Variants in RAD17 observed in about 807,000 individuals in gnomAD.
RAD17 encodes the protein RAD17 checkpoint clamp loader component.
RAD17 carries 31 observed loss-of-function variants against 81.5 expected under a neutral mutation model. That is an observed-to-expected ratio of 0.38 (90% CI 0.29 to 0.51). The LOEUF (loss-of-function observed/expected upper bound fraction) is 0.51. RAD17 is among the 20% of genes least tolerant of loss of function. The probability of loss-of-function intolerance (pLI) is 0.88; values close to 1 mark genes in which losing one functional copy is unlikely to be tolerated. For missense variants in RAD17, 681 were observed against 781.2 expected (o/e 0.87, Z 1.53); for synonymous variants, 261 against 266.2 (o/e 0.98, Z 0.19).
chr5:69,387,873 A>C (rs1251736524), intron 11 of RAD17, among the ~76,000 whole-genome samples: 2 of 152,184 alleles, frequency 1.3e-5, no homozygotes, highest in African/African-American at 4.8e-5. Flanking sequence ...AAAAAGAAAA[A>C]AAATTACCTG....
chr5:69,386,955 C>T (rs1379836501), intron 11 of RAD17, among the ~76,000 whole-genome samples: 2 of 143,590 alleles, frequency 1.4e-5, no homozygotes, highest in African/African-American at 5.2e-5. Context: ...GACAGGGTCT[C>T]ACTCTGTTGC....
intron 18 of RAD17, 45 bp from the exon 19 acceptor site, chr5:69,413,986 C>A (rs750294556): frequency 1.3e-6 from 2 of 1,588,526 alleles, no homozygotes; most frequent in South Asian, 2.3e-5. Flanking sequence ...ATTTAAAAAT[C>A]TTCTCCTTTG....
intron 6 of RAD17, among the ~76,000 whole-genome samples, chr5:69,379,886 T>C (rs1040866988): frequency 4.2e-5 from 6 of 142,332 alleles, no homozygotes; most frequent in African/African-American, 1.5e-4. Flanking sequence ...AGTTAACTTC[T>C]TTTTTTTTTT....
intron 18 of RAD17, among the ~76,000 whole-genome samples, chr5:69,412,248 G>C (rs1331690930): frequency 6.6e-6 from 1 of 152,162 alleles, no homozygotes; most frequent in South Asian, 2.1e-4. Context: ...GAGCCACCAC[G>C]CCTGGCCACG....
chr5:69,400,025 C>T (rs371945314), intron 16 of RAD17, 24 bp from the exon 17 acceptor site: 6 of 1,313,116 alleles, frequency 4.6e-6, no homozygotes, highest in South Asian at 1.5e-5. Context: ...TTCCTTTCAT[C>T]TTTTTTTTTT....
In RAD17 at chr5:69,371,445, C is replaced by T; in HGVS notation, c.-279-9C>T. 5.7e-6 allele frequency: 3 copies of T among 524,240 alleles called. No individual in the cohort carries two copies. The highest frequency in any genetic ancestry group is 9.2e-6 in the Non-Finnish European group (3 of 326,572). The allele number at this position is 524,240 out of a possible 1,614,324, so 32.5% of individuals were successfully genotyped here. On this transcript the variant is annotated splice_polypyrimidine_tract_variant and intron_variant, in intron 2 of 18. Transcript: ENST00000354868. ...TCATTTGAGGGCTTCTTCCCCCCCC[C>T]CCCCCCAGGTGAATTATAGTTTAAT...
At chr5:69,369,996 C>G in intron 1 of RAD17, 63 bp downstream of exon 1, 1 of 431,930 alleles carries the variant, frequency 2.3e-6, no homozygotes, top group East Asian at 4.3e-5. Context: ...TCTATCTCTG[C>G]CTTCAAGCTT....
intron 11 of RAD17, 65 bp downstream of exon 11, chr5:69,386,530 G>A: frequency 7.1e-7 from 1 of 1,415,034 alleles, no homozygotes; most frequent in Middle Eastern, 2.0e-4. Context: ...ATAGTATTAT[G>A]TAAACTGAAG....
intron 11 of RAD17, among the ~76,000 whole-genome samples, chr5:69,387,311 C>T (rs1276781814): frequency 2.0e-5 from 3 of 152,100 alleles, no homozygotes; most frequent in Non-Finnish European, 4.4e-5. Context: ...CTCCCAGCGT[C>T]ATGGTTTTAG....
intron 18 of RAD17, 133 bp downstream of exon 18, chr5:69,410,683 G>A (rs1765918296): frequency 1.2e-6 from 1 of 805,976 alleles, no homozygotes; most frequent in East Asian, 2.7e-5. Context: ...AAACATAATT[G>A]TATTGTAGAC....
Position 69,373,881 on chromosome 5 carries a change from G to A in RAD17, c.61G>A (p.Val21Ile), listed in dbSNP as rs17229831. 76 of 1,609,332 alleles carry A rather than the reference G, an allele frequency of 4.7e-5. No individual in the cohort carries two copies. The East Asian group carries it at 5.4e-4, about 11-fold the overall frequency. The change falls in exon 5 of 19, where the codon GTC (valine) becomes ATC (isoleucine). Residue 21 changes from valine (V) to isoleucine (I), a missense_variant. Val to Ile is a conservative substitution (Grantham distance 29). Transcript: ENST00000354868. ...SFDDFLECSGVSTITATSLGV... is the reference protein window; with the variant it reads ...SFDDFLECSGISTITATSLGV... ...TGATGATTTTCTAGAGTGTAGTGGC[G>A]TCTCTACTATTACTGCCACATCATT...
intron 16 of RAD17, among the ~76,000 whole-genome samples, chr5:69,397,050 T>G (rs1275857390): frequency 6.6e-6 from 1 of 152,196 alleles, no homozygotes; most frequent in African/African-American, 2.4e-5. Context: ...GCCAGGTTGG[T>G]CTCGATCTTT....
chr5:69,413,750 G>A (rs548897174), intron 18 of RAD17, among the ~76,000 whole-genome samples: 2 of 152,316 alleles, frequency 1.3e-5, no homozygotes, highest in African/African-American at 4.8e-5. Context: ...GGCCAGGCTG[G>A]TCTTGAACTC....
chr5:69,369,527 G>T (rs750116889), upstream of RAD17: 1 of 1,611,232 alleles, frequency 6.2e-7, no homozygotes. Context: ...CCTCGCTCAC[G>T]TGCCCTTTGC....
chr5:69,381,580 A>C (rs1763861844), intron 6 of RAD17, among the ~76,000 whole-genome samples: 1 of 152,218 alleles, frequency 6.6e-6, no homozygotes, highest in African/African-American at 2.4e-5. Flanking sequence ...GTATTTGGCT[A>C]CTAAATAGTC....
At chr5:69,369,766 T>C (rs1762802175), upstream of RAD17, 8 of 1,473,044 alleles carry the variant, frequency 5.4e-6, no homozygotes, top group Non-Finnish European at 7.4e-6. Flanking sequence ...ACTCCTTCGG[T>C]GGTCCCCGCC....
At chr5:69,383,708 A>G (rs1475343939) in intron 7 of RAD17, among the ~76,000 whole-genome samples, 2 of 152,052 alleles carry the variant, frequency 1.3e-5, no homozygotes, top group African/African-American at 4.8e-5. Context: ...TTTAAGAGAG[A>G]AAGTCTCACT....
At chr5:69,411,861 T>C (rs1394225319) in intron 18 of RAD17, among the ~76,000 whole-genome samples, 1 of 152,234 alleles carries the variant, frequency 6.6e-6, no homozygotes, top group Non-Finnish European at 1.5e-5. Context: ...ATGTATTGAG[T>C]TGCTGCAATT....
chr5:69,413,910 G>C lies in RAD17; in HGVS notation c.1752-121G>C, dbSNP rs1766200769. 2.5e-6 allele frequency: 3 copies of C among 1,204,430 alleles called. No individual in the cohort carries two copies. The East Asian group carries it at 7.0e-5, about 28-fold the overall frequency. 74.6% of individuals were successfully genotyped at this position (1,204,430 alleles called of 1,614,324 possible). ...GTAGTTTTGTTTTTATAGTTAAAGG[G>C]ACTAGCTAAACAGCACAATGTAGGT... On this transcript the variant is annotated intron_variant, in intron 18 of 18. Coordinates refer to ENST00000354868, the MANE Select transcript of RAD17 (RefSeq NM_133338.3).
Sources: allele counts gnomAD v4.1 joint callset (sites outside exome capture counted in the v4.1 genomes callset), GRCh38; gene constraint gnomAD v4.1.1; transcripts MANE v1.5; gene names NCBI Gene and HGNC (gene_info 2026-07-23, HGNC 2026-07-21).